The following RBFOX1 variants were observed in gnomAD, a reference collection of about 807,000 sequenced individuals.
RBFOX1 encodes RNA binding protein fox-1 homolog 1.
Under a neutral mutation model 57.7 loss-of-function variants are expected in RBFOX1, and 8 were observed. The observed-to-expected ratio is 0.14, with a 90% CI of 0.08 to 0.25. The LOEUF (loss-of-function observed/expected upper bound fraction) is 0.25. Among genes scored for constraint, RBFOX1 ranks in the 10% least tolerant of loss-of-function variants. RBFOX1 has a pLI of 1.00. For missense variants in RBFOX1, 611 were observed against 548.5 expected, an observed-to-expected ratio of 1.11 and a Z score of -1.14; for synonymous variants, 326 against 222.4, an observed-to-expected ratio of 1.47 and a Z score of -4.15.
intron 2 of RBFOX1, among the ~76,000 whole-genome samples, chr16:5,528,181 G>A (rs28477847): frequency 6.6e-6 from 1 of 152,044 alleles, no homozygotes; most frequent in African/African-American, 2.4e-5. Context: ...GGTTCTGCTC[G>A]AGACATTCCC....
At chr16:7,364,653 G>A (rs550398273) in intron 4 of RBFOX1, among the ~76,000 whole-genome samples, 1 of 151,136 alleles carries the variant, frequency 6.6e-6, no homozygotes, top group African/African-American at 2.4e-5. Flanking sequence ...GCTGTAGAAT[G>A]AATGCCTTTT....
intron 3 of RBFOX1, among the ~76,000 whole-genome samples, chr16:5,852,471 A>C (rs1399575754): frequency 6.6e-6 from 1 of 152,192 alleles, no homozygotes; most frequent in Non-Finnish European, 1.5e-5. Flanking sequence ...GAAGCATGCA[A>C]AGTGCACTTT....
At chr16:5,345,438 C>T (rs1272689865) in intron 1 of RBFOX1, among the ~76,000 whole-genome samples, 4 of 152,178 alleles carry the variant, frequency 2.6e-5, no homozygotes, top group Non-Finnish European at 4.4e-5. Flanking sequence ...GACATGTGGC[C>T]AGGGAGATCA....
chr16:6,004,290 G>A (rs1424840925), intron 4 of RBFOX1, among the ~76,000 whole-genome samples: 1 of 152,164 alleles, frequency 6.6e-6, no homozygotes, highest in African/African-American at 2.4e-5. Context: ...TTACCTGGGT[G>A]ACCTTGGACA....
At chr16:7,204,098 C>T (rs1158094609) in intron 4 of RBFOX1, among the ~76,000 whole-genome samples, 2 of 152,224 alleles carry the variant, frequency 1.3e-5, no homozygotes, top group African/African-American at 4.8e-5. Context: ...AACTCTAATC[C>T]ATGGGAGGTG....
intron 2 of RBFOX1, among the ~76,000 whole-genome samples, chr16:6,513,553 GT>G (rs1320085075): frequency 2.0e-5 from 3 of 152,040 alleles, no homozygotes; most frequent in Non-Finnish European, 4.4e-5. Context: ...AGCCAACATG[GT>G]GAAAACCTGT....
intron 2 of RBFOX1, among the ~76,000 whole-genome samples, chr16:6,447,782 A>G (rs1319156510): frequency 6.6e-6 from 1 of 152,228 alleles, no homozygotes; most frequent in Non-Finnish European, 1.5e-5. Context: ...CACTCAGTAA[A>G]TTAAACCTTT....
chr16:5,247,256 C>T (rs2062325147), intron 1 of RBFOX1, among the ~76,000 whole-genome samples: 1 of 152,192 alleles, frequency 6.6e-6, no homozygotes, highest in South Asian at 2.1e-4. Context: ...GTGCAGGATG[C>T]TCCTGGTCTT....
At chr16:6,780,222 T>C (rs1256215926) in intron 3 of RBFOX1, among the ~76,000 whole-genome samples, 9 of 73,250 alleles carry the variant, frequency 1.2e-4, no homozygotes, top group African/African-American at 5.2e-4. Flanking sequence ...TATATATTTA[T>C]ATATATATTT....
chr16:7,110,144 G>C (rs532428509), intron 4 of RBFOX1, among the ~76,000 whole-genome samples: 2 of 150,172 alleles, frequency 1.3e-5, no homozygotes, highest in African/African-American at 4.9e-5. Context: ...GAGGCCAGGA[G>C]TGTGAGACCA....
intron 4 of RBFOX1, among the ~76,000 whole-genome samples, chr16:7,409,045 C>T (rs1028106152): frequency 1.3e-5 from 2 of 152,198 alleles, no homozygotes; most frequent in Non-Finnish European, 2.9e-5. Context: ...TGTCTAAATG[C>T]ACTGCAAAGA....
At chr16:5,922,514 G>T (rs1013617016) in intron 4 of RBFOX1, among the ~76,000 whole-genome samples, 1 of 152,088 alleles carries the variant, frequency 6.6e-6, no homozygotes, top group African/African-American at 2.4e-5. Context: ...GGAGAGCCCA[G>T]GCACAGCATG....
intron 5 of RBFOX1, among the ~76,000 whole-genome samples, chr16:7,530,774 G>C (rs2152370381): frequency 6.6e-6 from 1 of 152,280 alleles, no homozygotes; most frequent in East Asian, 1.9e-4. Flanking sequence ...TTCAGAAGCT[G>C]GCTTCTGCCC....
intron 1 of RBFOX1, among the ~76,000 whole-genome samples, chr16:6,245,306 C>G (rs1054273440): frequency 1.3e-5 from 2 of 151,980 alleles, no homozygotes; most frequent in African/African-American, 4.8e-5. Context: ...TGAAATCTGG[C>G]CCTGAATACC....
At chr16:7,697,327 C>A (rs1444289132) in intron 14 of RBFOX1, among the ~76,000 whole-genome samples, 1 of 152,122 alleles carries the variant, frequency 6.6e-6, no homozygotes, top group Non-Finnish European at 1.5e-5. Flanking sequence ...AATGTCCACT[C>A]CCCACTCTTG....
chr16:6,157,402 A>G (rs892640637), intron 1 of RBFOX1, among the ~76,000 whole-genome samples: 3 of 152,160 alleles, frequency 2.0e-5, no homozygotes, highest in African/African-American at 7.2e-5. Context: ...TAGTATCAGT[A>G]TGGCCTAAAT....
In RBFOX1 at chr16:7,277,802, G is replaced by T. The variant is rs1204953106; in HGVS notation, c.27+225704G>T. 2.0e-5 allele frequency among the ~76,000 whole-genome samples: 3 copies of T among 152,152 alleles called. No individual in the cohort carries two copies. The South Asian group carries it at 6.2e-4, about 31-fold the overall frequency. ...AGAAAACAGGAATATCAGTTAAAAT[G>T]AAATTAGCATATTAGTTAACATAAG... is the stretch of plus-strand genomic sequence containing the variant. On this transcript the variant is annotated intron_variant, in intron 4 of 15. Transcript: ENST00000550418.
At chr16:5,735,969 A>G (rs944644237) in intron 3 of RBFOX1, among the ~76,000 whole-genome samples, 2 of 152,044 alleles carry the variant, frequency 1.3e-5, no homozygotes, top group African/African-American at 4.8e-5. Context: ...CGGGTAGAGT[A>G]CACATGTGTT....
At chr16:7,697,653 A>C (rs1034706755) in intron 14 of RBFOX1, among the ~76,000 whole-genome samples, 1 of 152,176 alleles carries the variant, frequency 6.6e-6, no homozygotes, top group Admixed American at 6.5e-5. Flanking sequence ...AGAAACATTT[A>C]GTAGCTTGCC....
Sources: allele counts gnomAD v4.1 joint callset (sites outside exome capture counted in the v4.1 genomes callset), GRCh38; gene constraint gnomAD v4.1.1; transcripts MANE v1.5; gene names NCBI Gene and HGNC (gene_info 2026-07-23, HGNC 2026-07-21).